Variants in NR3C2 observed in about 807,000 individuals in gnomAD.
NR3C2 encodes nuclear receptor subfamily 3 group C member 2.
A neutral mutation model predicts 86.4 loss-of-function variants in NR3C2; 15 were observed. The ratio of observed to expected loss-of-function variants is 0.17; its 90% CI spans 0.12 to 0.27. The LOEUF is 0.27. Among genes scored for constraint, NR3C2 ranks in the 10% least tolerant of loss-of-function variants. NR3C2 has a pLI of 1.00. For synonymous variants in NR3C2, 458 were observed against 450.5 expected (o/e 1.02, Z -0.21); for missense variants, 960 against 1,195.6 (o/e 0.80, Z 2.91).
chr4:148,318,217 A>G (rs532889928), intron 2 of NR3C2, among the ~76,000 whole-genome samples: 366 of 150,922 alleles, frequency 2.4e-3, no homozygotes, highest in African/African-American at 8.4e-3. Flanking sequence ...ATCATTTTTT[A>G]TGGCTGCATA....
At chr4:148,346,668 C>T (rs1745009381) in intron 2 of NR3C2, among the ~76,000 whole-genome samples, 2 of 151,940 alleles carry the variant, frequency 1.3e-5, no homozygotes, top group Non-Finnish European at 2.9e-5. Context: ...GCTACATTTC[C>T]AAGACAGTAT....
intron 2 of NR3C2, among the ~76,000 whole-genome samples, chr4:148,344,824 T>C (rs1416842306): frequency 1.3e-5 from 2 of 152,194 alleles, no homozygotes; most frequent in Non-Finnish European, 2.9e-5. Context: ...TCTAATACTG[T>C]AAAGAAGAGT....
At chr4:148,359,386 T>C (rs1393365973) in intron 2 of NR3C2, among the ~76,000 whole-genome samples, 1 of 152,200 alleles carries the variant, frequency 6.6e-6, no homozygotes, top group African/African-American at 2.4e-5. Context: ...TTAGGATTTT[T>C]ATCATCATAT....
intron 2 of NR3C2, among the ~76,000 whole-genome samples, chr4:148,344,040 T>C (rs1241466040): frequency 1.3e-5 from 2 of 152,178 alleles, no homozygotes; most frequent in African/African-American, 4.8e-5. Flanking sequence ...ATAAGCTATA[T>C]CTAGAGGAAG....
chr4:148,378,091 T>C (rs1325924578), intron 2 of NR3C2, among the ~76,000 whole-genome samples: 3 of 152,160 alleles, frequency 2.0e-5, no homozygotes, highest in Admixed American at 6.5e-5. Flanking sequence ...ACATGAGCCA[T>C]AGAGGTTGTT....
At chr4:148,107,001 T>C (rs1731828888) in intron 8 of NR3C2, among the ~76,000 whole-genome samples, 1 of 152,298 alleles carries the variant, frequency 6.6e-6, no homozygotes, top group Admixed American at 6.5e-5. Context: ...AAAGCCAAAA[T>C]TGACAAATGA....
In NR3C2 at chr4:148,395,564, A is replaced by G. The variant is rs145431791; in HGVS notation, c.1757+39540T>C. On this transcript the variant is annotated intron_variant, in intron 2 of 8. Transcript: ENST00000358102. ...AAATAGACTTCTGTGATTGAAGCAG[A>G]TAATACCAAATGTGTGTGCTAAACG... Among the ~76,000 whole-genome samples, 400 of 152,362 alleles carry G rather than the reference A, an allele frequency of 2.6e-3. 1 individual carries two copies. Among genetic ancestry groups the G allele is most frequent in the African/African-American group, 9.1e-3 (379 of 41,594 alleles).
chr4:148,213,080 C>T (rs536611393), intron 3 of NR3C2, among the ~76,000 whole-genome samples: 8 of 150,562 alleles, frequency 5.3e-5, no homozygotes, highest in Non-Finnish European at 1.2e-4. Flanking sequence ...TCATCTGAAC[C>T]TTAAAGGAGA....
At chr4:148,209,261 AG>A (rs149863247) in intron 3 of NR3C2, among the ~76,000 whole-genome samples, 3 of 152,002 alleles carry the variant, frequency 2.0e-5, no homozygotes, top group African/African-American at 4.8e-5. Flanking sequence ...AAAAAAAAAA[AG>A]AAAAAGCCAA....
intron 7 of NR3C2, among the ~76,000 whole-genome samples, chr4:148,117,384 C>T (rs761124115): frequency 6.6e-6 from 1 of 152,174 alleles, no homozygotes; most frequent in East Asian, 1.9e-4. Context: ...ACTCTGCCCT[C>T]GCTGCTGCCA....
intron 3 of NR3C2, among the ~76,000 whole-genome samples, chr4:148,230,483 C>T (rs1338150196): frequency 2.0e-5 from 3 of 152,166 alleles, no homozygotes; most frequent in African/African-American, 7.2e-5. Flanking sequence ...AGGCGTGAGC[C>T]ACCACACGTG....
Position 148,436,698 on chromosome 4 carries a change from T to C in NR3C2, c.163A>G (p.Ile55Val), listed in dbSNP as rs1270950138. ...IVNVSCVSGAIPNNSTQGSSK... is the reference protein window; with the variant it reads ...IVNVSCVSGAVPNNSTQGSSK... ...CTTCCTTGAGTACTGTTGTTTGGAA[T>C]AGCACCGGAAACACAGCTTACGTTG... Residue 55 changes from isoleucine (I) to valine (V), a missense_variant, in exon 2 of 9, where the codon ATT (isoleucine) becomes GTT (valine). Transcript: ENST00000358102. 4.3e-6 allele frequency: 7 copies of C among 1,614,190 alleles called. No individual in the cohort carries two copies. Among genetic ancestry groups the C allele is most frequent in the African/African-American group, 1.3e-5 (1 of 75,058 alleles).
chr4:148,343,855 A>T (rs1744866414), intron 2 of NR3C2, among the ~76,000 whole-genome samples: 1 of 152,112 alleles, frequency 6.6e-6, no homozygotes, highest in South Asian at 2.1e-4. Flanking sequence ...TCTTGGGGTT[A>T]AATTACAACT....
At chr4:148,311,177 G>C (rs1214149096) in intron 2 of NR3C2, among the ~76,000 whole-genome samples, 1 of 151,968 alleles carries the variant, frequency 6.6e-6, no homozygotes, top group Non-Finnish European at 1.5e-5. Context: ...ATTTCTCTTG[G>C]ATATTTTCGT....
At chr4:148,350,365 A>C (rs1225517980) in intron 2 of NR3C2, among the ~76,000 whole-genome samples, 1 of 152,204 alleles carries the variant, frequency 6.6e-6, no homozygotes, top group African/African-American at 2.4e-5. Flanking sequence ...TGCTATTCAT[A>C]ACATGTAAGA....
intron 3 of NR3C2, among the ~76,000 whole-genome samples, chr4:148,234,681 TAAA>T (rs76089180): frequency 1.9e-4 from 14 of 73,038 alleles, no homozygotes; most frequent in Admixed American, 3.2e-4. Context: ...AGACTCCAAC[TAAA>T]AAAAAAAAAA....
At chr4:148,431,374 C>T (rs1423037585) in intron 2 of NR3C2, among the ~76,000 whole-genome samples, 1 of 152,104 alleles carries the variant, frequency 6.6e-6, no homozygotes. Flanking sequence ...TTTGATTCTT[C>T]AAAGGAAATT....
At chr4:148,353,548 T>C (rs1348214049) in intron 2 of NR3C2, among the ~76,000 whole-genome samples, 1 of 152,190 alleles carries the variant, frequency 6.6e-6, no homozygotes, top group Non-Finnish European at 1.5e-5. Context: ...CACAAAAGCA[T>C]ACAATTTTTC....
intron 2 of NR3C2, among the ~76,000 whole-genome samples, chr4:148,350,646 G>C (rs1745228507): frequency 7.4e-6 from 1 of 135,850 alleles, no homozygotes; most frequent in African/African-American, 2.6e-5. Context: ...ATTTAAATGT[G>C]CTCCTCCTCT....
Sources: allele counts gnomAD v4.1 joint callset (sites outside exome capture counted in the v4.1 genomes callset), GRCh38; gene constraint gnomAD v4.1.1; transcripts MANE v1.5; gene names NCBI Gene and HGNC (gene_info 2026-07-23, HGNC 2026-07-21).